Variants in GREM2 observed in about 807,000 individuals in gnomAD.
GREM2 encodes the protein gremlin 2, DAN family BMP antagonist, also known as gremlin-2.
In GREM2, 11 loss-of-function variants were observed where a neutral mutation model predicts 14.2. The ratio of observed to expected loss-of-function variants is 0.78; its 90% CI spans 0.49 to 1.28. GREM2 has a LOEUF of 1.28. Among genes scored for constraint, GREM2 ranks in the 50% most tolerant of loss-of-function variants. The pLI is 0.00. For missense variants in GREM2, 210 were observed against 218.5 expected (o/e 0.96, Z 0.24); for synonymous variants, 98 against 97.6 (o/e 1.00, Z -0.02).
intron 1 of GREM2, among the ~76,000 whole-genome samples, chr1:240,603,304 C>T (rs1168702247): frequency 6.6e-6 from 1 of 152,180 alleles, no homozygotes; most frequent in Admixed American, 6.5e-5. Context: ...GGTATACACT[C>T]AGGGACTCTT....
intron 1 of GREM2, among the ~76,000 whole-genome samples, chr1:240,515,702 G>A (rs755103018): frequency 3.3e-5 from 5 of 152,156 alleles, no homozygotes; most frequent in South Asian, 2.1e-4. Context: ...ATTTGGTTTC[G>A]TGGGTTTTCT....
rs537719350 is a variant in GREM2, at chr1:240,543,806, T to C, written c.-1-50330A>G. Among the ~76,000 whole-genome samples, 2 of 152,192 alleles carry C rather than the reference T, an allele frequency of 1.3e-5. No homozygotes were observed. Among genetic ancestry groups the C allele is most frequent in the African/African-American group, 2.4e-5 (1 of 41,452 alleles). On this transcript the variant is annotated intron_variant, in intron 1 of 1. Coordinates refer to ENST00000318160, the MANE Select transcript of GREM2 (RefSeq NM_022469.4). This position sits in a 1 kb window ranked among gnomAD's most constrained non-coding sequence, Gnocchi z 6.4. ...GGATTGATATACAGGCCTAACGCTA[T>C]TTTTGACACTTGATATCTTAAGAGA...
chr1:240,584,106 A>AG (rs1164432723), intron 1 of GREM2, among the ~76,000 whole-genome samples: 2 of 152,128 alleles, frequency 1.3e-5, no homozygotes, highest in Non-Finnish European at 2.9e-5. Context: ...AAATATTTGG[A>AG]GAAAAAAAAA....
chr1:240,566,727 A>G (rs1236845520), intron 1 of GREM2, among the ~76,000 whole-genome samples: 1 of 152,220 alleles, frequency 6.6e-6, no homozygotes, highest in Non-Finnish European at 1.5e-5. Context: ...CCCAGAACAA[A>G]ACTCAAGAAT....
At chr1:240,505,749 G>A (rs1018962182) in intron 1 of GREM2, among the ~76,000 whole-genome samples, 11 of 147,920 alleles carry the variant, frequency 7.4e-5, no homozygotes, top group Non-Finnish European at 9.0e-5. Flanking sequence ...AGAATGATAG[G>A]AAAAAAAAAA....
At chr1:240,562,911 TC>T (rs767513794) in intron 1 of GREM2, among the ~76,000 whole-genome samples, 1 of 150,174 alleles carries the variant, frequency 6.7e-6, no homozygotes, top group South Asian at 2.1e-4. Context: ...TGTATGTATG[TC>T]TGTGAGTGTA....
intron 1 of GREM2, among the ~76,000 whole-genome samples, chr1:240,606,971 C>G (rs2102875099): frequency 6.6e-6 from 1 of 152,300 alleles, no homozygotes; most frequent in East Asian, 1.9e-4. Context: ...AGCCACTGAG[C>G]CCTGCCAGAT....
At chr1:240,587,205 A>G (rs12094333) in intron 1 of GREM2, among the ~76,000 whole-genome samples, 208 of 152,318 alleles carry the variant, frequency 1.4e-3, no homozygotes, top group African/African-American at 4.8e-3. Flanking sequence ...CTGTTAAAAC[A>G]CACACTGTCT....
chr1:240,494,423 A>G (rs1677358365), intron 1 of GREM2, among the ~76,000 whole-genome samples: 2 of 152,256 alleles, frequency 1.3e-5, no homozygotes. Flanking sequence ...AGTAAGTACA[A>G]AGTAGAGAGA....
intron 1 of GREM2, among the ~76,000 whole-genome samples, chr1:240,567,887 T>C (rs935637715): frequency 6.6e-6 from 1 of 152,208 alleles, no homozygotes; most frequent in Admixed American, 6.5e-5. Context: ...GGCAGGCAGA[T>C]CACTTGAGGC....
At chr1:240,546,394 A>C (rs1394056346) in intron 1 of GREM2, among the ~76,000 whole-genome samples, 4 of 151,836 alleles carry the variant, frequency 2.6e-5, no homozygotes, top group South Asian at 4.2e-4. Flanking sequence ...ATTTGCATTA[A>C]CCACTTTGTG....
At chr1:240,506,938 G>A (rs1263533581) in intron 1 of GREM2, among the ~76,000 whole-genome samples, 18 of 152,328 alleles carry the variant, frequency 1.2e-4, no homozygotes, top group Middle Eastern at 3.4e-3. Flanking sequence ...GGGCTTTAGC[G>A]TGTTGAAGGG....
At chr1:240,544,885 A>T (rs1368415576) in intron 1 of GREM2, among the ~76,000 whole-genome samples, 1 of 152,236 alleles carries the variant, frequency 6.6e-6, no homozygotes, top group Non-Finnish European at 1.5e-5. Flanking sequence ...AAAGTTATAT[A>T]GTTCTCAAAG....
intron 1 of GREM2, among the ~76,000 whole-genome samples, chr1:240,562,316 G>A (rs1457062725): frequency 1.3e-5 from 2 of 152,124 alleles, no homozygotes; most frequent in African/African-American, 4.8e-5. Flanking sequence ...ATCTACAGTC[G>A]TGGCACTGGA....
intron 1 of GREM2, among the ~76,000 whole-genome samples, chr1:240,579,122 G>A (rs1679432368): frequency 6.6e-6 from 1 of 152,106 alleles, no homozygotes; most frequent in Non-Finnish European, 1.5e-5. Context: ...GGCCACATCT[G>A]TCAGATTCTA....
chr1:240,490,276 A>G lies in GREM2; in HGVS notation c.*2693T>C, dbSNP rs1301231906. The stretch of plus-strand genomic sequence containing the variant: ...GTGGAAGAGGCTTGGAAGCTTCCAA[A>G]GACCAGGATTGAGGGCCACCTCCAT... On this transcript the variant is annotated 3_prime_UTR_variant, in exon 2 of 2. Coordinates refer to ENST00000318160, the MANE Select transcript of GREM2 (RefSeq NM_022469.4). The G allele has an allele frequency of 6.6e-6, 1 of 152,338 alleles. No individual in the cohort carries two copies. Among genetic ancestry groups the G allele is most frequent in the Non-Finnish European group, 1.5e-5 (1 of 68,048 alleles). 9.4% of individuals were successfully genotyped at this position (152,338 alleles called of 1,614,324 possible).
intron 1 of GREM2, chr1:240,531,592 T>C (rs1385920123): frequency 6.4e-6 from 6 of 940,016 alleles, no homozygotes; most frequent in Non-Finnish European, 7.6e-6. Flanking sequence ...AATAGTGGAG[T>C]TGGTGTGTGG....
intron 1 of GREM2, among the ~76,000 whole-genome samples, chr1:240,556,781 C>T (rs1308568000): frequency 3.3e-5 from 5 of 152,090 alleles, no homozygotes; most frequent in African/African-American, 1.2e-4. Context: ...GAAATCTCCA[C>T]AAACTAAAAA....
intron 1 of GREM2, among the ~76,000 whole-genome samples, chr1:240,516,060 G>A (rs1023963154): frequency 1.8e-4 from 28 of 151,472 alleles, no homozygotes; most frequent in Admixed American, 1.6e-3. Context: ...CATGCCCCAA[G>A]TATACTCCAT....
Sources: gnomAD v4.1 joint callset for allele counts (sites outside exome capture counted in the v4.1 genomes callset) on GRCh38, gnomAD v4.1.1 for gene constraint, Gnocchi (gnomAD v3.1) non-coding constraint, MANE v1.5 for transcripts, NCBI Gene and HGNC (gene_info 2026-07-23, HGNC 2026-07-21) for gene names.